Variants in THSD4 observed in about 807,000 individuals in gnomAD.
THSD4 encodes the protein thrombospondin type-1 domain-containing protein 4.
A neutral mutation model predicts 119.0 loss-of-function variants in THSD4; 69 were observed. The ratio of observed to expected loss-of-function variants is 0.58; its 90% CI spans 0.48 to 0.71. The LOEUF is 0.71. THSD4 is among the 30% of genes least tolerant of loss of function. THSD4 has a pLI of 0.00. For missense variants in THSD4, 1,393 were observed against 1,391.1 expected (o/e 1.00, Z -0.02); for synonymous variants, 524 against 540.4 (o/e 0.97, Z 0.42).
At chr15:71,727,390 G>A (rs1317091795) in intron 8 of THSD4, among the ~76,000 whole-genome samples, 3 of 151,606 alleles carry the variant, frequency 2.0e-5, no homozygotes, top group Non-Finnish European at 2.9e-5. Context: ...CATGTAAGTA[G>A]AGAGAATTAT....
intron 1 of THSD4, among the ~76,000 whole-genome samples, chr15:71,119,867 C>T (rs1432977301): frequency 6.6e-6 from 1 of 152,216 alleles, no homozygotes; most frequent in East Asian, 1.9e-4. Flanking sequence ...TTCCTACCCA[C>T]CCAGCCTCAG....
chr15:71,469,282 T>C (rs1183263233), intron 7 of THSD4, among the ~76,000 whole-genome samples: 1 of 152,206 alleles, frequency 6.6e-6, no homozygotes, highest in African/African-American at 2.4e-5. Context: ...GTGGTTGTCA[T>C]GGCTTTGTCC....
chr15:71,669,488 A>G (rs749837292), intron 8 of THSD4, among the ~76,000 whole-genome samples: 17 of 152,036 alleles, frequency 1.1e-4, no homozygotes, highest in African/African-American at 1.7e-4. Context: ...ACAGGTATAC[A>G]CAATTCTGTC....
intron 10 of THSD4, among the ~76,000 whole-genome samples, chr15:71,736,513 A>C (rs1023632293): frequency 3.3e-3 from 293 of 89,526 alleles, no homozygotes; most frequent in Middle Eastern, 9.6e-3. Flanking sequence ...TGCTCTCTCT[A>C]TCTGTGTCTC....
intron 7 of THSD4, among the ~76,000 whole-genome samples, chr15:71,588,584 C>T (rs192212485): frequency 4.2e-4 from 64 of 151,892 alleles, no homozygotes; most frequent in Middle Eastern, 3.4e-3. Flanking sequence ...CCACCACACC[C>T]GGCTAATTTT....
intron 9 of THSD4, chr15:71,730,356 T>C (rs1357356079): frequency 6.6e-6 from 1 of 152,088 alleles, no homozygotes; most frequent in African/African-American, 2.4e-5. Flanking sequence ...ACCACCCTGC[T>C]CCCCATCAGG....
chr15:71,737,658 C>G, intron 10 of THSD4, 74 bp from the exon 11 acceptor site: 2 of 1,493,922 alleles, frequency 1.3e-6, no homozygotes, highest in Non-Finnish European at 1.8e-6. Context: ...TCTCTAATGT[C>G]GAAGCAATTT....
chr15:71,672,092 C>T (rs1207448091), intron 8 of THSD4, among the ~76,000 whole-genome samples: 2 of 152,148 alleles, frequency 1.3e-5, no homozygotes, highest in Non-Finnish European at 2.9e-5. Context: ...GCCATTTTCA[C>T]AATATTGATT....
intron 8 of THSD4, among the ~76,000 whole-genome samples, chr15:71,669,285 T>C (rs896556538): frequency 1.3e-5 from 2 of 152,248 alleles, no homozygotes; most frequent in Non-Finnish European, 2.9e-5. Context: ...CTTGTAGTTT[T>C]CTTATTGATT....
chr15:71,345,407 T>C (rs2045641780), intron 6 of THSD4, among the ~76,000 whole-genome samples: 1 of 152,026 alleles, frequency 6.6e-6, no homozygotes, highest in Non-Finnish European at 1.5e-5. Context: ...TGCTGACCTC[T>C]GTGATTGGCC....
At chr15:71,235,913 A>G (rs951781110) in intron 4 of THSD4, among the ~76,000 whole-genome samples, 2 of 152,164 alleles carry the variant, frequency 1.3e-5, no homozygotes, top group African/African-American at 4.8e-5. Flanking sequence ...TCTTAATGCT[A>G]TAAAACTCAG....
chr15:71,513,108 C>G (rs3934656), intron 7 of THSD4, among the ~76,000 whole-genome samples: 22,355 of 137,218 alleles, frequency 0.16, 2,202 homozygotes, highest in East Asian at 0.46. Flanking sequence ...TCAGAGGAAT[C>G]TCATGGGAGA....
At chr15:71,722,873 A>G (rs1297346440) in intron 8 of THSD4, among the ~76,000 whole-genome samples, 1 of 152,166 alleles carries the variant, frequency 6.6e-6, no homozygotes, top group Non-Finnish European at 1.5e-5. Context: ...GCTTTTATTT[A>G]AAAGTGTGCA....
intron 8 of THSD4, among the ~76,000 whole-genome samples, chr15:71,689,312 C>A (rs369709361): frequency 4.6e-5 from 7 of 152,150 alleles, no homozygotes; most frequent in East Asian, 3.9e-4. Flanking sequence ...TGTGAAGGGG[C>A]AGGGGAGAGA....
chr15:71,311,853 C>T (rs2045115446), intron 6 of THSD4, among the ~76,000 whole-genome samples: 1 of 152,090 alleles, frequency 6.6e-6, no homozygotes, highest in African/African-American at 2.4e-5. Context: ...TATCTGTCCT[C>T]CTCTTTCCAC....
At chr15:71,611,093 A>G (rs1281214111) in intron 7 of THSD4, among the ~76,000 whole-genome samples, 1 of 152,274 alleles carries the variant, frequency 6.6e-6, no homozygotes, top group East Asian at 1.9e-4. Flanking sequence ...ACGAGTTAAA[A>G]TAAAAATCAC....
chr15:71,551,470 G>T (rs1446502425), intron 7 of THSD4, among the ~76,000 whole-genome samples: 2 of 152,232 alleles, frequency 1.3e-5, no homozygotes, highest in African/African-American at 4.8e-5. Context: ...TTGAAGGGCT[G>T]TGTGTTGGGG....
intron 6 of THSD4, among the ~76,000 whole-genome samples, chr15:71,387,256 CATT>C (rs1294440551): frequency 4.6e-5 from 7 of 151,536 alleles, no homozygotes; most frequent in African/African-American, 9.7e-5. Flanking sequence ...TTTTGACTGA[CATT>C]GTTGTCTGGG....
chr15:71,315,471 C>G (rs2045174217), intron 6 of THSD4, among the ~76,000 whole-genome samples: 1 of 152,222 alleles, frequency 6.6e-6, no homozygotes, highest in Admixed American at 6.5e-5. Context: ...ATGGCCACCT[C>G]TTGTTAATGT....
Sources: gnomAD v4.1 joint callset for allele counts (sites outside exome capture counted in the v4.1 genomes callset) on GRCh38, gnomAD v4.1.1 for gene constraint, MANE v1.5 for transcripts, NCBI Gene and HGNC (gene_info 2026-07-23, HGNC 2026-07-21) for gene names.